Variants in MAP3K5 observed in about 807,000 individuals in gnomAD.
The protein encoded by MAP3K5 is ASK-1.
MAP3K5 carries 56 observed loss-of-function variants against 158.7 expected under a neutral mutation model. The ratio of observed to expected loss-of-function variants is 0.35; its 90% confidence interval spans 0.28 to 0.44. The LOEUF is 0.44. Among genes scored for constraint, MAP3K5 ranks in the 20% least tolerant of loss-of-function variants. The probability of loss-of-function intolerance (pLI) is 1.00; values close to 1 mark genes in which losing one functional copy is unlikely to be tolerated. For synonymous variants in MAP3K5, 579 were observed against 601.7 expected, an observed-to-expected ratio of 0.96 and a Z score of 0.55; for missense variants, 1,294 against 1,674.8, an observed-to-expected ratio of 0.77 and a Z score of 3.97.
At chr6:136,578,115 T>C (rs1285822808) in intron 25 of MAP3K5, among the ~76,000 whole-genome samples, 1 of 152,184 alleles carries the variant, frequency 6.6e-6, no homozygotes, top group East Asian at 1.9e-4. Context: ...CTTCATCCCA[T>C]AGATCTTTTG....
At chr6:136,610,597 TAA>T (rs201221344) in intron 18 of MAP3K5, among the ~76,000 whole-genome samples, 15 of 64,316 alleles carry the variant, frequency 2.3e-4, no homozygotes, top group Admixed American at 3.6e-4. Context: ...AAATGTTTAA[TAA>T]AAAAAAAAAA....
rs544887612 is a variant in MAP3K5, at chr6:136,663,968, T to A, written c.1367-4590A>T. 3.9e-5 allele frequency among the ~76,000 whole-genome samples: 6 copies of A among 152,162 alleles called. No individual in the cohort carries two copies. In the South Asian group the frequency reaches 1.2e-3, roughly 32 times the overall value. ...ACATTTTTTTTATGACCCTGACTTTTCGAAAAGACAAGGAGTGCCATGGTG... is the reference window on the plus strand; with the variant it reads ...ACATTTTTTTTATGACCCTGACTTTACGAAAAGACAAGGAGTGCCATGGTG... On this transcript the variant is annotated intron_variant, in intron 8 of 29. Coordinates refer to ENST00000359015, the MANE Select transcript of MAP3K5 (RefSeq NM_005923.4).
intron 25 of MAP3K5, among the ~76,000 whole-genome samples, chr6:136,579,096 G>T (rs1774748691): frequency 6.6e-6 from 1 of 151,602 alleles, no homozygotes; most frequent in South Asian, 2.1e-4. Flanking sequence ...TATAATATAG[G>T]TACAAATTAG....
rs1006612270 is a variant in MAP3K5, at chr6:136,557,737, G to C, written c.*21C>G. The C allele has an allele frequency of 6.3e-7, 1 of 1,588,476 alleles. No homozygotes were observed. Among genetic ancestry groups the C allele is most frequent in the Non-Finnish European group, 8.6e-7 (1 of 1,157,166 alleles). ...TGTATTAATTTTTAGAATTTCCATC[G>C]AAGATTAGATTGAGCAACAGTCAAG... On this transcript the variant is annotated 3_prime_UTR_variant, in exon 30 of 30. Transcript: ENST00000359015.
At chr6:136,723,407 A>C (rs993391142) in intron 1 of MAP3K5, among the ~76,000 whole-genome samples, 5 of 152,194 alleles carry the variant, frequency 3.3e-5, no homozygotes, top group African/African-American at 1.2e-4. Flanking sequence ...TGAGTGCATT[A>C]TGATGTTTAC....
In MAP3K5 at chr6:136,574,723, C is replaced by G. The variant is rs140515430; in HGVS notation, c.3517+5578G>C. Among the ~76,000 whole-genome samples, 812 of 130,900 alleles carry G rather than the reference C, an allele frequency of 6.2e-3. 9 individuals carry two copies. Among genetic ancestry groups the G allele is most frequent in the African/African-American group, 0.023 (778 of 34,016 alleles). 85.9% of individuals were successfully genotyped at this position (130,900 alleles called of 152,430 possible). On this transcript the variant is annotated intron_variant, in intron 25 of 29. Coordinates refer to ENST00000359015, the MANE Select transcript of MAP3K5 (RefSeq NM_005923.4). ...TTTTTTTTTGAGAAGGAGTCTCGCT[C>G]TTTCACCCAGGCTGGAGTGCAGTGG...
intron 25 of MAP3K5, among the ~76,000 whole-genome samples, chr6:136,579,331 G>T (rs1774764538): frequency 6.6e-6 from 1 of 152,084 alleles, no homozygotes; most frequent in Non-Finnish European, 1.5e-5. Flanking sequence ...TTGCCTTAGA[G>T]TATGAATACA....
At chr6:136,565,779 T>G (rs1176878565) in intron 26 of MAP3K5, among the ~76,000 whole-genome samples, 2 of 152,214 alleles carry the variant, frequency 1.3e-5, no homozygotes, top group Non-Finnish European at 2.9e-5. Flanking sequence ...AAAGCAGCTG[T>G]CCTTTCTTCA....
chr6:136,632,897 A>T (rs555557071), intron 14 of MAP3K5, among the ~76,000 whole-genome samples: 18 of 152,344 alleles, frequency 1.2e-4, no homozygotes, highest in African/African-American at 3.8e-4. Flanking sequence ...TACTTGAGAT[A>T]TGAGTTCATT....
At chr6:136,742,448 C>CA (rs1298710035) in intron 1 of MAP3K5, among the ~76,000 whole-genome samples, 3 of 148,998 alleles carry the variant, frequency 2.0e-5, no homozygotes, top group Non-Finnish European at 4.5e-5. Flanking sequence ...AAACAAAAAA[C>CA]AAAAACAAAA....
chr6:136,618,118 A>G (rs559822775), intron 15 of MAP3K5, among the ~76,000 whole-genome samples: 39 of 152,250 alleles, frequency 2.6e-4, no homozygotes, highest in African/African-American at 9.4e-4. Context: ...CAGAGGAGAA[A>G]TTGTTTCCAT....
intron 18 of MAP3K5, among the ~76,000 whole-genome samples, chr6:136,607,245 G>A (rs556969336): frequency 2.0e-5 from 3 of 152,238 alleles, no homozygotes; most frequent in Admixed American, 6.5e-5. Flanking sequence ...GAGAATTTAA[G>A]TTGTACTAAT....
intron 7 of MAP3K5, among the ~76,000 whole-genome samples, chr6:136,671,541 C>T (rs971036027): frequency 2.6e-5 from 4 of 152,202 alleles, no homozygotes; most frequent in African/African-American, 9.6e-5. Context: ...AGTGGGAATT[C>T]TCCCATACTG....
intron 10 of MAP3K5, among the ~76,000 whole-genome samples, chr6:136,651,827 T>A (rs948658185): frequency 7.2e-5 from 11 of 152,160 alleles, no homozygotes; most frequent in African/African-American, 1.9e-4. Flanking sequence ...ATTACTAATA[T>A]CTCACATTTG....
chr6:136,726,764 C>T (rs1219142698), intron 1 of MAP3K5, among the ~76,000 whole-genome samples: 1 of 152,056 alleles, frequency 6.6e-6, no homozygotes, highest in Non-Finnish European at 1.5e-5. Flanking sequence ...AATTTCAAAT[C>T]ACAATTGCTC....
intron 2 of MAP3K5, among the ~76,000 whole-genome samples, chr6:136,718,890 G>A (rs1047035690): frequency 5.3e-5 from 8 of 152,094 alleles, no homozygotes; most frequent in African/African-American, 1.9e-4. Flanking sequence ...AATCTATCTA[G>A]GTGATCTAGG....
intron 1 of MAP3K5, among the ~76,000 whole-genome samples, chr6:136,738,313 G>A (rs1050768199): frequency 2.0e-5 from 3 of 152,104 alleles, no homozygotes; most frequent in Non-Finnish European, 4.4e-5. Flanking sequence ...ACCTCTTCCT[G>A]GCAAAGCTCT....
chr6:136,663,113 A>T (rs1779076941), intron 8 of MAP3K5, among the ~76,000 whole-genome samples: 1 of 152,214 alleles, frequency 6.6e-6, no homozygotes, highest in South Asian at 2.1e-4. Flanking sequence ...CTCAATCCAT[A>T]CACCACCACG....
chr6:136,707,623 C>T (rs1231029795), intron 2 of MAP3K5, among the ~76,000 whole-genome samples: 1 of 151,960 alleles, frequency 6.6e-6, no homozygotes, highest in African/African-American at 2.4e-5. Flanking sequence ...TTGACACATA[C>T]AAAAAGTAAG....
Sources: allele counts gnomAD v4.1 joint callset (sites outside exome capture counted in the v4.1 genomes callset), GRCh38; gene constraint gnomAD v4.1.1; transcripts MANE v1.5; gene names NCBI Gene and HGNC (gene_info 2026-07-23, HGNC 2026-07-21).